UNC13D: variants seen among roughly 807,000 people sequenced by gnomAD.
UNC13D encodes the protein unc-13 homolog D.
Under a neutral mutation model 151.7 loss-of-function variants are expected in UNC13D, and 115 were observed. That is an observed-to-expected ratio of 0.76 (90% CI 0.65 to 0.88). The LOEUF is 0.88. Ranked by LOEUF, UNC13D falls within the 40% of genes least tolerant of loss-of-function variation. The pLI, the probability that UNC13D is intolerant of heterozygous loss-of-function variation, is 0.00. For synonymous variants in UNC13D, 588 were observed against 612.2 expected (o/e 0.96, Z 0.58); for missense variants, 1,369 against 1,438.7 (o/e 0.95, Z 0.78).
chr17:75,844,088 G>T, intron 1 of UNC13D, 133 bp downstream of exon 1: 1 of 1,497,286 alleles, frequency 6.7e-7, no homozygotes, highest in Non-Finnish European at 9.1e-7. Context: ...TCTCCCCAGG[G>T]TGGAGTAGGC....
Position 75,832,907 on chromosome 17 carries a change from G to A in UNC13D, c.2447+59C>T, listed in dbSNP as rs960758308. 51 of 1,505,106 alleles carry A rather than the reference G, an allele frequency of 3.4e-5. No individual in the cohort carries two copies. Among genetic ancestry groups the A allele is most frequent in the Non-Finnish European group, 4.1e-5 (45 of 1,106,112 alleles). The allele number at this position is 1,505,106 out of a possible 1,614,324, so 93.2% of individuals were successfully genotyped here. On this transcript the variant is annotated intron_variant, in intron 25 of 31. Transcript: ENST00000207549. The surrounding 1 kb of genome is among the most constrained non-coding windows in gnomAD (Gnocchi z 4.3). Reference sequence around the variant, plus strand: ...ACGGATGCTGGGGCCCAGGAAGGAGGGGCCGTGGGAGGAGAGGGGGAGGTG... The same window carrying A: ...ACGGATGCTGGGGCCCAGGAAGGAGAGGCCGTGGGAGGAGAGGGGGAGGTG...
In UNC13D at chr17:75,840,783, G is replaced by A. The variant is rs142355425; in HGVS notation, c.662C>T (p.Thr221Met). Reference protein sequence around the residue: ...ESVRQKLGELTDLHGLRRIFK... With the variant: ...ESVRQKLGELMDLHGLRRIFK... ...GAACCTGCGAAGCCCATGCAGATCC[G>A]TGAGCTCCCCAAGCTTCTGTCGGAC... is the stretch of plus-strand genomic sequence containing the variant. Residue 221 changes from threonine to methionine, a missense_variant, in exon 8 of 32, where the codon ACG (threonine) becomes ATG (methionine). This residue lies in a region of UNC13D where 550 missense variants were observed against 609.0 expected (regional missense o/e 0.90). Transcript: ENST00000207549. The surrounding 1 kb of genome is among the most constrained non-coding windows in gnomAD (Gnocchi z 4.6). 3.1e-6 allele frequency: 5 copies of A among 1,613,872 alleles called. No individual in the cohort carries two copies. The African/African-American group carries it at 4.0e-5, about 13-fold the overall frequency.
Position 75,842,517 on chromosome 17 carries a change from C to A in UNC13D, c.485G>T (p.Arg162Met). Residue 162 changes from arginine to methionine, a missense_variant, in exon 6 of 32, where the codon AGG becomes ATG. By Grantham distance (91) the Arg-to-Met change is moderately conservative. This residue lies in a region of UNC13D where 550 missense variants were observed against 609.0 expected (regional missense o/e 0.90). Coordinates refer to ENST00000207549, the MANE Select transcript of UNC13D (RefSeq NM_199242.3). ...GSRHRQKAVV[R>M]HTIPEEETHR... ...GGTCTCCTCCTCGGGGATGGTGTGC[C>A]TCACCACAGCCTTCTGCCGATGCCG... 1 of 1,613,218 alleles carries A rather than the reference C, an allele frequency of 6.2e-7. No homozygotes were observed. Among genetic ancestry groups the A allele is most frequent in the Non-Finnish European group, 8.5e-7 (1 of 1,179,908 alleles).
chr17:75,840,638 T>G lies in UNC13D; in HGVS notation c.684-62A>C. ...AGGGTCGGAAGGGATTAGGCTGGAA[T>G]CCACCCCCGGCCGCAGCCACCTGGA... is the stretch of plus-strand genomic sequence containing the variant. On this transcript the variant is annotated intron_variant, in intron 8 of 31. Transcript: ENST00000207549. This position sits in a 1 kb window ranked among gnomAD's most constrained non-coding sequence, Gnocchi z 4.6. 1 of 1,612,598 alleles carries G rather than the reference T, an allele frequency of 6.2e-7. No individual in the cohort carries two copies. The highest frequency in any genetic ancestry group is 8.5e-7 in the Non-Finnish European group (1 of 1,179,104).
At chr17:75,828,540 G>A (rs571203667) in intron 31 of UNC13D, among the ~76,000 whole-genome samples, 25 of 152,326 alleles carry the variant, frequency 1.6e-4, no homozygotes, top group Admixed American at 2.6e-4. Context: ...CGGCCCCGCC[G>A]AGTGAGATCC....
Position 75,828,635 on chromosome 17 carries a change from C to CTT in UNC13D, c.3151+150_3151+151dup. ...CACTTAGCTTAAAGTTCACTGGTCT[C>CTT]TTGATTAGACCGAGAGATGGGCCGT... On this transcript the variant is annotated intron_variant, in intron 31 of 31. Transcript: ENST00000207549. The CTT allele has an allele frequency of 4.4e-6, 4 of 901,450 alleles. 1 individual carries two copies. The South Asian group carries it at 6.8e-5, about 15-fold the overall frequency. 55.8% of individuals were successfully genotyped at this position (901,450 alleles called of 1,614,324 possible).
chr17:75,831,136 C>A lies in UNC13D; in HGVS notation c.2587G>T (p.Gly863Cys), dbSNP rs1199017760. Residue 863 changes from glycine to cysteine, a missense_variant, in exon 27 of 32, where the codon GGC (glycine) becomes TGC (cysteine). By Grantham distance (159) the Gly-to-Cys change is radical (BLOSUM62 -3). Around this residue, in one of 3 missense-constraint regions of UNC13D, gnomAD observed 807 missense variants for 795.5 expected, o/e 1.01. Coordinates refer to ENST00000207549, the MANE Select transcript of UNC13D (RefSeq NM_199242.3). ...GTGTGCAGGGCCTTGGGTGGCAGGC[C>A]ACAGCCCTCAGCGTGGAAGCAGATC... ...LEICFHAEGCGLPPKALHTAT... is the reference protein window; with the variant it reads ...LEICFHAEGCCLPPKALHTAT... The A allele has an allele frequency of 3.1e-6, 5 of 1,613,914 alleles. No individual in the cohort carries two copies. Among genetic ancestry groups the A allele is most frequent in the Non-Finnish European group, 4.2e-6 (5 of 1,180,046 alleles).
chr17:75,840,599 AG>A lies in UNC13D; in HGVS notation c.684-24del. 6.2e-7 allele frequency: 1 copy of A among 1,613,848 alleles called. No homozygotes were observed. Among genetic ancestry groups the A allele is most frequent in the Non-Finnish European group, 8.5e-7 (1 of 1,179,966 alleles). Reference sequence around the variant, plus strand: ...ATCCTGCGTCAGGCAGGGTCCCATAAGGGGGACGCAGCAAGGGTCGGAAGGG... The same window carrying A: ...ATCCTGCGTCAGGCAGGGTCCCATAAGGGGACGCAGCAAGGGTCGGAAGGG... On this transcript the variant is annotated intron_variant, in intron 8 of 31. Transcript: ENST00000207549. The surrounding 1 kb of genome is among the most constrained non-coding windows in gnomAD (Gnocchi z 4.6).
chr17:75,835,497 C>A lies in UNC13D; in HGVS notation c.1760G>T (p.Arg587Leu), dbSNP rs201600711. ...GGAGGGGATGGCCGGCTGGAACCAG[C>A]GGTGGAAATTATCCAGGGCCAGGAC... The part of the protein sequence containing the change: ...DGVLALDNFH[R>L]WFQPAIPSWL... Residue 587 changes from arginine to leucine, a missense_variant, in exon 20 of 32, where the codon CGC (arginine) becomes CTC (leucine). Physicochemically the swap from Arg to Leu is moderately radical, Grantham distance 102. Coordinates refer to ENST00000207549, the MANE Select transcript of UNC13D (RefSeq NM_199242.3). 1.9e-6 allele frequency: 3 copies of A among 1,609,696 alleles called. No individual in the cohort carries two copies. In the Admixed American group the frequency reaches 5.0e-5, roughly 27 times the overall value.
In UNC13D at chr17:75,833,731, C is replaced by T. The variant is rs747335537; in HGVS notation, c.2367+344G>A. 1.6e-4 allele frequency among the ~76,000 whole-genome samples: 25 copies of T among 152,308 alleles called. No homozygotes were observed. The highest frequency in any genetic ancestry group is 2.8e-4 in the Non-Finnish European group (19 of 68,026). On this transcript the variant is annotated intron_variant, in intron 24 of 31. Coordinates refer to ENST00000207549, the MANE Select transcript of UNC13D (RefSeq NM_199242.3). This position sits in a 1 kb window ranked among gnomAD's most constrained non-coding sequence, Gnocchi z 4.0. ...AATGAATATCCTTCTACCCGCCAGT[C>T]GAAGGTGTGCATCATGATATGCCCC... is the stretch of plus-strand genomic sequence containing the variant.
rs899040895 is a variant in UNC13D at position 75,830,660 on chromosome 17, G to A, written c.2627C>T (p.Ala876Val). 1.3e-6 allele frequency: 2 copies of A among 1,553,450 alleles called. No homozygotes were observed. Among genetic ancestry groups the A allele is most frequent in the African/African-American group, 2.7e-5 (2 of 73,302 alleles). The change falls in exon 28 of 32, where the codon GCT becomes GTT. Residue 876 changes from alanine to valine, a missense_variant and splice_region_variant. Ala to Val is a moderately conservative substitution (Grantham distance 64). Around this residue, in one of 3 missense-constraint regions of UNC13D, gnomAD observed 807 missense variants for 795.5 expected, o/e 1.01. Coordinates refer to ENST00000207549, the MANE Select transcript of UNC13D (RefSeq NM_199242.3). ...CTGCAGCTCCAGGTCCCTCTGCAGAGCCTGGGAACACATACAGCTGAGGAT... is the reference window on the plus strand; with the variant it reads ...CTGCAGCTCCAGGTCCCTCTGCAGAACCTGGGAACACATACAGCTGAGGAT... ...PKALHTATFQ[A>V]LQRDLELQAA...
chr17:75,840,035 C>A lies in UNC13D; in HGVS notation c.934G>T (p.Glu312Ter). ...GGCAATACCTCGTGCTGGGTGACCT[C>A]GTGGGACACAAGCTGCTGCAGGAGG... The part of the protein sequence containing the change: ...LHLLQQLVSH[E>*]VTQHEAGSTS... The change falls in exon 11 of 32, where the codon GAG becomes TAG. Residue 312 changes from glutamate (E) to a stop codon, truncating the protein, a stop_gained. Coordinates refer to ENST00000207549, the MANE Select transcript of UNC13D (RefSeq NM_199242.3). LOFTEE classifies it high-confidence loss of function. This position sits in a 1 kb window ranked among gnomAD's most constrained non-coding sequence, Gnocchi z 4.6. The A allele has an allele frequency of 6.2e-7, 1 of 1,613,566 alleles. No homozygotes were observed. The highest frequency in any genetic ancestry group is 8.5e-7 in the Non-Finnish European group (1 of 1,179,952).
chr17:75,834,443 C>A lies in UNC13D; in HGVS notation c.2180G>T (p.Arg727Leu). 2 of 1,565,778 alleles carry A rather than the reference C, an allele frequency of 1.3e-6. No homozygotes were observed. The highest frequency in any genetic ancestry group is 8.6e-7 in the Non-Finnish European group (1 of 1,160,004). ...CCCCTGCTCCAGCACGGCCCCTACC[C>A]GCTGCTCCAGGGCCTCCCATGCCAG... The part of the protein sequence containing the change: ...AQLAWEALEQ[R>L]VGAVLEQGQL... Residue 727 changes from arginine to leucine, a missense_variant, in exon 23 of 32, where the codon CGG (arginine) becomes CTG (leucine). Around this residue, in one of 3 missense-constraint regions of UNC13D, gnomAD observed 807 missense variants for 795.5 expected, o/e 1.01. Coordinates refer to ENST00000207549, the MANE Select transcript of UNC13D (RefSeq NM_199242.3).
Position 75,830,438 on chromosome 17 carries a change from G to C in UNC13D, c.2754C>G (p.Ala918=), listed in dbSNP as rs1217118688. The change falls in exon 29 of 32, where the codon GCC becomes GCG. Residue 918 remains alanine (A), a synonymous_variant. Transcript: ENST00000207549. ...GCTTCTGCTCAGAGGCGCGGTAGGA[G>C]GCCTTGACTGTCACAGCCCCCAGCT... ...SEELGAVTVK[A]SYRASEQKLR... The C allele has an allele frequency of 1.9e-6, 3 of 1,586,020 alleles. No individual in the cohort carries two copies. Among genetic ancestry groups the C allele is most frequent in the Non-Finnish European group, 2.6e-6 (3 of 1,167,170 alleles).
chr17:75,838,827 G>A (rs576412141), intron 12 of UNC13D, among the ~76,000 whole-genome samples: 47 of 152,334 alleles, frequency 3.1e-4, no homozygotes, highest in Admixed American at 2.4e-3. Context: ...AAGGCTGGGC[G>A]CGGTGGCACG....
At chr17:75,842,233 C>T (rs934788371) in intron 6 of UNC13D, among the ~76,000 whole-genome samples, 200 bp downstream of exon 6, 3 of 152,212 alleles carry the variant, frequency 2.0e-5, no homozygotes, top group Non-Finnish European at 2.9e-5. Flanking sequence ...CCCATCAGCA[C>T]GTGTGGCATT....
chr17:75,828,229 G>T, intron 31 of UNC13D, 143 bp from the exon 32 acceptor site: 1 of 1,301,574 alleles, frequency 7.7e-7, no homozygotes, highest in African/African-American at 1.5e-5. Context: ...ACCCGCGCCA[G>T]CCCAGCCCAG....
chr17:75,843,529 A>G lies in UNC13D; in HGVS notation c.118-10T>C, dbSNP rs765085535. On this transcript the variant is annotated splice_polypyrimidine_tract_variant and intron_variant, in intron 1 of 31. Transcript: ENST00000207549. ...GGGATGGAGGCTGGATCTGCAGAGC[A>G]AGGTGGAAAGGCAGTGTCCCGGGAG... 6.2e-7 allele frequency: 1 copy of G among 1,611,310 alleles called. No individual in the cohort carries two copies. Among genetic ancestry groups the G allele is most frequent in the Non-Finnish European group, 8.5e-7 (1 of 1,179,262 alleles).
intron 12 of UNC13D, among the ~76,000 whole-genome samples, chr17:75,837,567 A>G (rs1308562098): frequency 6.6e-6 from 1 of 151,176 alleles, no homozygotes; most frequent in Non-Finnish European, 1.5e-5. Flanking sequence ...CAGCCTGGCC[A>G]ACATAGTGAA....
Sources: gnomAD v4.1 joint callset for allele counts (sites outside exome capture counted in the v4.1 genomes callset) on GRCh38, gnomAD v4.1.1 for gene constraint, gnomAD v4.1.1 regional missense constraint, Gnocchi (gnomAD v3.1) non-coding constraint, MANE v1.5 for transcripts, NCBI Gene and HGNC (gene_info 2026-07-23, HGNC 2026-07-21) for gene names.